The following C11orf65 variants were observed in gnomAD, a reference collection of about 807,000 sequenced individuals.
C11orf65 encodes chromosome 11 open reading frame 65, also known as protein MFI.
C11orf65 carries 38 observed loss-of-function variants against 35.3 expected under a neutral mutation model. That is an observed-to-expected ratio of 1.08 (90% confidence interval 0.83 to 1.41). C11orf65 has a LOEUF of 1.41. Among genes scored for constraint, C11orf65 ranks in the 40% most tolerant of loss-of-function variants. The pLI, the probability that C11orf65 is intolerant of heterozygous loss-of-function variation, is 0.00. For missense variants in C11orf65, 370 were observed against 367.1 expected, an observed-to-expected ratio of 1.01 and a Z score of -0.06; for synonymous variants, 105 against 114.4, an observed-to-expected ratio of 0.92 and a Z score of 0.53.
chr11:108,357,596 C>G lies in C11orf65; in HGVS notation c.227-22304G>C, dbSNP rs555473185. ...GTTCTCCCAGCACGCAGCTGGAGATCGGACAACAGGCAGACTGCCTCCTCA... is the reference window on the plus strand; with the variant it reads ...GTTCTCCCAGCACGCAGCTGGAGATGGGACAACAGGCAGACTGCCTCCTCA... On this transcript the variant is annotated intron_variant, in intron 2 of 3. Coordinates refer to the C11orf65 transcript ENST00000524755. 5.9e-5 allele frequency among the ~76,000 whole-genome samples: 9 copies of G among 152,292 alleles called. No homozygotes were observed. In the South Asian group the frequency reaches 1.2e-3, roughly 21 times the overall value.
chr11:108,405,602 G>A (rs1263983428), intron 5 of C11orf65, 43 bp from the exon 6 acceptor site: 10 of 1,593,860 alleles, frequency 6.3e-6, no homozygotes, highest in South Asian at 1.1e-5. Flanking sequence ...TTGAAATATC[G>A]ATTGTGAGGT....
intron 2 of C11orf65, among the ~76,000 whole-genome samples, chr11:108,350,870 A>G (rs2089118822): frequency 6.6e-6 from 1 of 152,154 alleles, no homozygotes; most frequent in Non-Finnish European, 1.5e-5. Context: ...CCTTTGGAAT[A>G]TTGTTTGGCA....
intron 7 of C11orf65, among the ~76,000 whole-genome samples, chr11:108,390,926 C>T (rs2092144862): frequency 1.3e-5 from 2 of 151,918 alleles, no homozygotes; most frequent in Admixed American, 1.3e-4. Context: ...TTATCTTTTC[C>T]TTATTATTTT....
chr11:108,336,141 TAAA>T (rs374306537), intron 2 of C11orf65: 254 of 440,048 alleles, frequency 5.8e-4, no homozygotes, highest in Middle Eastern at 1.3e-3. Flanking sequence ...GACAAAAAGT[TAAA>T]AAAAAAAAAA....
rs2086709775 is a variant in C11orf65 at position 108,335,242 on chromosome 11, A to C, written c.278T>G (p.Leu93Arg). The C allele has an allele frequency of 1.9e-6, 3 of 1,546,036 alleles. No individual in the cohort carries two copies. In the African/African-American group the frequency reaches 4.1e-5, roughly 21 times the overall value. ...TACAAATGAGGAAGATTTGTAGAGT[A>C]GAAATGCATTATTTTCTAGAACCAG... The change falls in exon 3 of 4, where the codon CTA becomes CGA. Residue 93 changes from leucine (L) to arginine (R), a missense_variant. Coordinates refer to the C11orf65 transcript ENST00000524755.
chr11:108,354,879 A>C lies in C11orf65; in HGVS notation c.227-19587T>G, dbSNP rs1057522186. The C allele has an allele frequency of 1.2e-6, 2 of 1,609,606 alleles. No homozygotes were observed. Among genetic ancestry groups the C allele is most frequent in the Non-Finnish European group, 1.7e-6 (2 of 1,175,900 alleles). ...ACTCTGTTAACCATTGTAGAGGTAA[A>C]GTATTTTATAAGGAAGACTTTATTT... On this transcript the variant is annotated intron_variant, in intron 2 of 3. Transcript: ENST00000524755.
chr11:108,332,583 G>A (rs1049844143), intron 3 of C11orf65, among the ~76,000 whole-genome samples: 4 of 152,132 alleles, frequency 2.6e-5, no homozygotes, highest in Admixed American at 6.5e-5. Flanking sequence ...AGTCATTGAC[G>A]AGAGTATGTA....
intron 2 of C11orf65, among the ~76,000 whole-genome samples, chr11:108,459,869 G>A (rs995533017): frequency 6.6e-6 from 1 of 152,104 alleles, no homozygotes; most frequent in African/African-American, 2.4e-5. Flanking sequence ...GCTAGTCAAA[G>A]GTGTGTGGCT....
In C11orf65 at chr11:108,431,751, TG is replaced by T; in HGVS notation, c.168del (p.Glu58ArgfsTer5). 6.9e-7 allele frequency: 1 copy of T among 1,458,632 alleles called. No individual in the cohort carries two copies. Among genetic ancestry groups the T allele is most frequent in the Non-Finnish European group, 9.3e-7 (1 of 1,075,452 alleles). 90.4% of individuals were successfully genotyped at this position (1,458,632 alleles called of 1,614,324 possible). On this transcript the variant is annotated frameshift_variant, in exon 3 of 9. Transcript: ENST00000393084. LOFTEE classifies it high-confidence loss of function. ...TCAATAAGTAATGTCCTTACCTCTT[TG>T]GGATTAATATATTTCACTATCTGAC... The part of the protein sequence containing the change: ...EPRQIVKYIN[P>X]KEAELLDAAA...
At position 108,331,889 on chromosome 11, in the gene C11orf65, G is replaced by T. The variant is rs2136515485; in HGVS notation, c.300-322C>A. On this transcript the variant is annotated intron_variant, in intron 3 of 3. Coordinates refer to the C11orf65 transcript ENST00000524755. ...GTTCTTTTCTTACAGCTAATCTCTAGAATTTCAATGGATCACCCCCATCAC... is the reference window on the plus strand; with the variant it reads ...GTTCTTTTCTTACAGCTAATCTCTATAATTTCAATGGATCACCCCCATCAC... 2 of 1,613,274 alleles carry T rather than the reference G, an allele frequency of 1.2e-6. No individual in the cohort carries two copies. Among genetic ancestry groups the T allele is most frequent in the Non-Finnish European group, 1.7e-6 (2 of 1,179,446 alleles).
exon 7 of C11orf65, chr11:108,308,656 A>C (rs4988063): frequency 3.2e-5 from 8 of 248,228 alleles, no homozygotes; most frequent in Admixed American, 2.4e-4. Context: ...TCGATGTCTC[A>C]TAAGTGTGTA....
chr11:108,440,452 C>T (rs1324550786), intron 2 of C11orf65, among the ~76,000 whole-genome samples: 1 of 152,104 alleles, frequency 6.6e-6, no homozygotes, highest in Non-Finnish European at 1.5e-5. Flanking sequence ...ATATCAAGGA[C>T]CTGCATTCTA....
At chr11:108,438,235 T>C (rs2093094956) in intron 2 of C11orf65, among the ~76,000 whole-genome samples, 1 of 152,220 alleles carries the variant, frequency 6.6e-6, no homozygotes, top group Admixed American at 6.5e-5. Flanking sequence ...ATTTACACCA[T>C]ATGCAACATT....
intron 2 of C11orf65, chr11:108,335,738 C>A: frequency 1.3e-6 from 1 of 787,426 alleles, no homozygotes; most frequent in Non-Finnish European, 2.2e-6. Flanking sequence ...TCAAGAGGTG[C>A]ACAGATGCTC....
downstream of C11orf65, chr11:108,327,340 G>T: frequency 3.1e-6 from 1 of 324,940 alleles, no homozygotes; most frequent in Non-Finnish European, 5.9e-6. Context: ...TTATTTAATA[G>T]GATTCTTGTG....
intron 2 of C11orf65, among the ~76,000 whole-genome samples, chr11:108,361,997 CAG>C (rs2137713838): frequency 7.5e-6 from 1 of 132,872 alleles, no homozygotes; most frequent in South Asian, 2.8e-4. Flanking sequence ...AAACTACCAT[CAG>C]AGTGAACAGG....
intron 6 of C11orf65, chr11:108,317,537 TGA>T: frequency 6.3e-7 from 1 of 1,592,772 alleles, no homozygotes; most frequent in Non-Finnish European, 8.5e-7. Flanking sequence ...AAATTTGACT[TGA>T]TTTTTTTTTT....
intron 2 of C11orf65, among the ~76,000 whole-genome samples, chr11:108,457,883 G>T (rs1299238967): frequency 1.3e-5 from 2 of 152,000 alleles, no homozygotes; most frequent in African/African-American, 4.8e-5. Flanking sequence ...TTTTTTAGAA[G>T]TCACCCACTT....
At chr11:108,350,315 T>C (rs1389289346) in intron 2 of C11orf65, among the ~76,000 whole-genome samples, 1 of 152,154 alleles carries the variant, frequency 6.6e-6, no homozygotes, top group Non-Finnish European at 1.5e-5. Flanking sequence ...TCAAACTTAT[T>C]GTCTCTACCC....
Sources: gnomAD v4.1 joint callset for allele counts (sites outside exome capture counted in the v4.1 genomes callset) on GRCh38, gnomAD v4.1.1 for gene constraint, MANE v1.5 for transcripts, NCBI Gene and HGNC (gene_info 2026-07-23, HGNC 2026-07-21) for gene names.